Variants in FARP1 observed in about 807,000 individuals in gnomAD.
FARP1 encodes the protein FERM, ARH/RhoGEF and pleckstrin domain protein 1.
FARP1 carries 52 observed loss-of-function variants against 128.8 expected under a neutral mutation model. The ratio of observed to expected loss-of-function variants is 0.40; its 90% CI spans 0.32 to 0.51. The LOEUF (loss-of-function observed/expected upper bound fraction) is 0.51. Ranked by LOEUF, FARP1 falls within the 20% of genes least tolerant of loss-of-function variation. The pLI is 0.45. For missense variants in FARP1, 1,333 were observed against 1,367.9 expected (o/e 0.97, Z 0.40); for synonymous variants, 580 against 551.8 (o/e 1.05, Z -0.72).
At chr13:98,226,350 T>C (rs554293624) in intron 2 of FARP1, among the ~76,000 whole-genome samples, 1 of 152,334 alleles carries the variant, frequency 6.6e-6, no homozygotes, top group Non-Finnish European at 1.5e-5. Context: ...TATTTTCCCC[T>C]TTCGTAAGGA....
chr13:98,166,753 C>T (rs1244388984), intron 1 of FARP1, among the ~76,000 whole-genome samples: 24 of 148,170 alleles, frequency 1.6e-4, no homozygotes, highest in Non-Finnish European at 3.3e-4. Flanking sequence ...AACAGGGTCT[C>T]GTTCTGTCAC....
At chr13:98,267,214 G>A (rs1471924854) in intron 2 of FARP1, among the ~76,000 whole-genome samples, 2 of 152,092 alleles carry the variant, frequency 1.3e-5, no homozygotes, top group East Asian at 1.9e-4. Flanking sequence ...CTTTGATACC[G>A]TGGCAGCATG....
At chr13:98,269,954 A>C (rs755491793) in intron 2 of FARP1, among the ~76,000 whole-genome samples, 1 of 152,104 alleles carries the variant, frequency 6.6e-6, no homozygotes, top group Non-Finnish European at 1.5e-5. Context: ...AAAAATACAA[A>C]ATTAGCCGGG....
At chr13:98,145,526 A>C (rs1159798754) in intron 1 of FARP1, among the ~76,000 whole-genome samples, 1 of 151,820 alleles carries the variant, frequency 6.6e-6, no homozygotes, top group Non-Finnish European at 1.5e-5. Context: ...AATTATCCAG[A>C]GTTTACAAGG....
At chr13:98,331,838 C>T (rs1887521563) in intron 2 of FARP1, 1 of 152,220 alleles carries the variant, frequency 6.6e-6, no homozygotes, top group South Asian at 2.1e-4. Context: ...GAACCCCTGC[C>T]TTCCCCTATT....
intron 1 of FARP1, among the ~76,000 whole-genome samples, chr13:98,189,714 T>G (rs753721205): frequency 3.3e-5 from 5 of 152,218 alleles, no homozygotes; most frequent in Admixed American, 6.5e-5. Flanking sequence ...AATTTTCAAT[T>G]TAAAAACTAG....
chr13:98,303,241 C>A (rs1157729149), intron 2 of FARP1, among the ~76,000 whole-genome samples: 5 of 152,076 alleles, frequency 3.3e-5, no homozygotes, highest in Admixed American at 6.6e-5. Flanking sequence ...GGAGTGGGAA[C>A]AGAAATTGAC....
chr13:98,296,523 T>A (rs9517249), intron 2 of FARP1, among the ~76,000 whole-genome samples: 2 of 137,734 alleles, frequency 1.5e-5, no homozygotes, highest in South Asian at 2.3e-4. Flanking sequence ...GACCCCCCGC[T>A]CTTCATGCAC....
intron 3 of FARP1, among the ~76,000 whole-genome samples, chr13:98,361,058 C>T (rs562793121): frequency 7.2e-5 from 11 of 152,330 alleles, no homozygotes; most frequent in African/African-American, 2.6e-4. Context: ...CTGTGACCCT[C>T]GCTGCATAGC....
intron 1 of FARP1, among the ~76,000 whole-genome samples, chr13:98,207,908 CCACACACACACACA>C (rs71111934): frequency 0.021 from 1,510 of 71,598 alleles, 39 homozygotes; most frequent in Admixed American, 0.084. Context: ...ACCACCACCT[CCACACACACACACA>C]CACACACACA....
chr13:98,329,041 T>C (rs2139817866), intron 2 of FARP1: 1 of 152,288 alleles, frequency 6.6e-6, no homozygotes, highest in East Asian at 1.9e-4. Flanking sequence ...AACACATCGA[T>C]GGAGTCATAT....
chr13:98,220,966 A>G (rs1441275501), intron 2 of FARP1, among the ~76,000 whole-genome samples: 1 of 152,186 alleles, frequency 6.6e-6, no homozygotes, highest in Non-Finnish European at 1.5e-5. Flanking sequence ...GGAAGTTTGA[A>G]AAGCTGCTTT....
At chr13:98,323,733 T>C (rs1471674419) in intron 2 of FARP1, among the ~76,000 whole-genome samples, 1 of 152,210 alleles carries the variant, frequency 6.6e-6, no homozygotes, top group Non-Finnish European at 1.5e-5. Flanking sequence ...AAAGTAGATA[T>C]CTAGTTTATT....
Position 98,446,065 on chromosome 13 carries a change from G to A in FARP1, c.2797-33G>A, listed in dbSNP as rs190014731. On this transcript the variant is annotated intron_variant, in intron 24 of 26. Transcript: ENST00000319562. ...CTGTGCCCTCCTGGGGCAGGTGCCC[G>A]CTGTGCTTCTCACAGGCCTCCTTGC... 5.8e-4 allele frequency: 862 copies of A among 1,479,498 alleles called. 1 individual carries two copies. The highest frequency in any genetic ancestry group is 6.7e-4 in the Non-Finnish European group (708 of 1,058,096). 91.6% of individuals were successfully genotyped at this position (1,479,498 alleles called of 1,614,324 possible).
intron 8 of FARP1, among the ~76,000 whole-genome samples, chr13:98,387,402 G>T (rs909238861): frequency 6.6e-6 from 1 of 152,190 alleles, no homozygotes; most frequent in Non-Finnish European, 1.5e-5. Flanking sequence ...GAAAAGAAGT[G>T]TCTCACAATT....
chr13:98,298,187 G>A (rs1204355766), intron 2 of FARP1, among the ~76,000 whole-genome samples: 2 of 152,186 alleles, frequency 1.3e-5, no homozygotes, highest in Non-Finnish European at 2.9e-5. Context: ...GGCATTATGT[G>A]TATACTTTCC....
chr13:98,347,874 T>C (rs2139893014), intron 3 of FARP1, among the ~76,000 whole-genome samples: 2 of 152,310 alleles, frequency 1.3e-5, no homozygotes, highest in South Asian at 2.1e-4. Flanking sequence ...CTGTGTGTGA[T>C]GTGTGGGAAA....
At chr13:98,298,297 A>G (rs960286001) in intron 2 of FARP1, among the ~76,000 whole-genome samples, 2 of 152,252 alleles carry the variant, frequency 1.3e-5, no homozygotes, top group African/African-American at 4.8e-5. Flanking sequence ...TTGCCTTGGG[A>G]TCACACATCT....
At chr13:98,299,267 A>T (rs1230620735) in intron 2 of FARP1, among the ~76,000 whole-genome samples, 1 of 152,170 alleles carries the variant, frequency 6.6e-6, no homozygotes, top group Non-Finnish European at 1.5e-5. Flanking sequence ...GTGTTTTATT[A>T]ATATTGACCT....
Sources: gnomAD v4.1 joint callset for allele counts (sites outside exome capture counted in the v4.1 genomes callset) on GRCh38, gnomAD v4.1.1 for gene constraint, MANE v1.5 for transcripts, NCBI Gene and HGNC (gene_info 2026-07-23, HGNC 2026-07-21) for gene names.